Variants in DOCK1 observed in about 807,000 individuals in gnomAD.
DOCK1 encodes the protein dedicator of cytokinesis protein 1.
In DOCK1, 138 loss-of-function variants were observed where a neutral mutation model predicts 262.7. The observed-to-expected ratio is 0.53, with a 90% confidence interval of 0.46 to 0.61. The LOEUF is 0.61. DOCK1 is among the 20% of genes least tolerant of loss of function. The pLI is 0.00. For synonymous variants in DOCK1, 866 were observed against 867.4 expected (o/e 1.00, Z 0.03); for missense variants, 1,908 against 2,370.7 (o/e 0.80, Z 4.05).
intron 1 of DOCK1, among the ~76,000 whole-genome samples, chr10:126,966,477 T>C (rs1333175388): frequency 3.9e-5 from 6 of 152,214 alleles, no homozygotes; most frequent in Non-Finnish European, 8.8e-5. Flanking sequence ...GGAACCTTCA[T>C]ATTGTTGTCT....
intron 1 of DOCK1, among the ~76,000 whole-genome samples, chr10:126,918,209 T>C (rs558195913): frequency 6.6e-6 from 1 of 151,032 alleles, no homozygotes; most frequent in African/African-American, 2.5e-5. Context: ...ATGCCTGGGA[T>C]TGATTGCCAG....
intron 23 of DOCK1, among the ~76,000 whole-genome samples, chr10:127,068,435 C>T (rs1016859647): frequency 6.6e-6 from 1 of 152,154 alleles, no homozygotes; most frequent in Non-Finnish European, 1.5e-5. Flanking sequence ...GCCTGTCTGG[C>T]ACCTCTCCTA....
chr10:127,141,400 G>C (rs943420119), intron 27 of DOCK1, among the ~76,000 whole-genome samples: 12 of 152,164 alleles, frequency 7.9e-5, no homozygotes, highest in Non-Finnish European at 1.5e-5. Flanking sequence ...AATGAGAACA[G>C]AGTCTTAAAA....
chr10:127,034,277 G>A (rs759129414), intron 18 of DOCK1, among the ~76,000 whole-genome samples: 2 of 152,186 alleles, frequency 1.3e-5, no homozygotes, highest in Non-Finnish European at 2.9e-5. Context: ...CACATCTTAC[G>A]TGGATGGCCG....
chr10:127,325,982 T>G (rs2062732639), intron 29 of DOCK1, among the ~76,000 whole-genome samples: 1 of 152,234 alleles, frequency 6.6e-6, no homozygotes, highest in Non-Finnish European at 1.5e-5. Flanking sequence ...TATAAAGTAT[T>G]TTATTAAGTG....
At chr10:127,196,319 G>C (rs1011630083) in intron 27 of DOCK1, among the ~76,000 whole-genome samples, 62 of 148,822 alleles carry the variant, frequency 4.2e-4, no homozygotes, top group Admixed American at 1.5e-3. Flanking sequence ...GGGGACGCCC[G>C]CGCGCTCGCT....
chr10:127,305,649 A>G (rs1411837965), intron 29 of DOCK1, among the ~76,000 whole-genome samples: 1 of 152,208 alleles, frequency 6.6e-6, no homozygotes, highest in African/African-American at 2.4e-5. Flanking sequence ...ACTGTACTCA[A>G]GCCTCAACAC....
intron 27 of DOCK1, chr10:127,153,823 A>G (rs369222449): frequency 6.5e-7 from 1 of 1,535,596 alleles, no homozygotes; most frequent in South Asian, 1.1e-5. Context: ...TCATAATAAG[A>G]AAGTGGGAAG....
intron 29 of DOCK1, among the ~76,000 whole-genome samples, chr10:127,274,833 G>C (rs796228843): frequency 1.3e-4 from 20 of 152,252 alleles, no homozygotes; most frequent in African/African-American, 4.8e-4. Flanking sequence ...TAATTAAGAA[G>C]AGAAATTTAA....
chr10:127,215,511 C>T (rs923387691), intron 27 of DOCK1, among the ~76,000 whole-genome samples: 2 of 152,114 alleles, frequency 1.3e-5, no homozygotes, highest in African/African-American at 4.8e-5. Flanking sequence ...ACATTCTGTA[C>T]CTGTTTATCT....
At chr10:126,955,502 T>C (rs989064722) in intron 1 of DOCK1, among the ~76,000 whole-genome samples, 5 of 152,204 alleles carry the variant, frequency 3.3e-5, no homozygotes, top group Admixed American at 2.0e-4. Flanking sequence ...TGCTGGGAAC[T>C]GATGCAGCCT....
chr10:127,122,677 T>A (rs1450358174), intron 25 of DOCK1, among the ~76,000 whole-genome samples: 1 of 151,598 alleles, frequency 6.6e-6, no homozygotes, highest in African/African-American at 2.4e-5. Flanking sequence ...GAATGAAATG[T>A]CTGTATTGGG....
chr10:127,319,015 C>T (rs1177454077), intron 29 of DOCK1, among the ~76,000 whole-genome samples: 1 of 152,208 alleles, frequency 6.6e-6, no homozygotes, highest in Non-Finnish European at 1.5e-5. Flanking sequence ...GTGACTTGCT[C>T]TGACACCCTA....
Position 127,031,645 on chromosome 10 carries a change from T to TA in DOCK1, c.1625-4dup, listed in dbSNP as rs749118091. 1 of 1,602,730 alleles carries TA rather than the reference T, an allele frequency of 6.2e-7. No individual in the cohort carries two copies. The highest frequency in any genetic ancestry group is 1.1e-5 in the South Asian group (1 of 88,604). ...TCATCAATTTTTTTGTTTTTTGTTT[T>TA]ACAGCTAAGGATAAATCTGAGAAAA... On this transcript the variant is annotated splice_region_variant and splice_polypyrimidine_tract_variant and intron_variant, in intron 16 of 51. Coordinates refer to ENST00000623213, the MANE Select transcript of DOCK1 (RefSeq NM_001290223.2).
chr10:127,259,317 G>A (rs1026834176), intron 29 of DOCK1, among the ~76,000 whole-genome samples: 1 of 152,182 alleles, frequency 6.6e-6, no homozygotes, highest in East Asian at 1.9e-4. Flanking sequence ...GAAAGCACTG[G>A]TCTTTTCCCT....
chr10:127,447,361 C>T (rs749400365), intron 50 of DOCK1, 33 bp from the exon 51 acceptor site: 34 of 1,598,806 alleles, frequency 2.1e-5, no homozygotes, highest in Non-Finnish European at 2.6e-5. Flanking sequence ...GTGGGGAAGT[C>T]GGGCTGATTT....
rs551807342 is a variant in DOCK1, at chr10:127,175,905, G to A, written c.2847+48141G>A. 172 of 1,614,150 alleles carry A rather than the reference G, an allele frequency of 1.1e-4. No individual in the cohort carries two copies. The highest frequency in any genetic ancestry group is 8.2e-4 in the South Asian group (75 of 91,082). ...GGCTGTGGTCTTGTGCACCCGCCCC[G>A]CGCCACATGGCCGGGCCTCCTCCAT... is the stretch of plus-strand genomic sequence containing the variant. On this transcript the variant is annotated intron_variant, in intron 27 of 51. Coordinates refer to ENST00000623213, the MANE Select transcript of DOCK1 (RefSeq NM_001290223.2). This position sits in a 1 kb window ranked among gnomAD's most constrained non-coding sequence, Gnocchi z 6.3.
At chr10:127,351,992 T>C (rs1230192214) in intron 31 of DOCK1, among the ~76,000 whole-genome samples, 3 of 151,554 alleles carry the variant, frequency 2.0e-5, no homozygotes. Flanking sequence ...GGCCCGGCTC[T>C]CCTGAGGGGT....
intron 27 of DOCK1, among the ~76,000 whole-genome samples, chr10:127,179,303 T>TA (rs1271130236): frequency 6.6e-6 from 1 of 152,204 alleles, no homozygotes; most frequent in Admixed American, 6.5e-5. Flanking sequence ...CAAATAATAA[T>TA]AAAAAATTCT....
Sources: allele counts gnomAD v4.1 joint callset (sites outside exome capture counted in the v4.1 genomes callset), GRCh38; gene constraint gnomAD v4.1.1; non-coding constraint Gnocchi (gnomAD v3.1); transcripts MANE v1.5; gene names NCBI Gene and HGNC (gene_info 2026-07-23, HGNC 2026-07-21).